TSHZ2: variants seen among roughly 807,000 people sequenced by gnomAD.
TSHZ2 encodes the protein teashirt homolog 2.
In TSHZ2, 21 loss-of-function variants were observed where a neutral mutation model predicts 74.4. That is an observed-to-expected ratio of 0.28 (90% CI 0.20 to 0.41). TSHZ2 has a LOEUF of 0.41. TSHZ2 is among the 10% of genes least tolerant of loss of function. TSHZ2 has a pLI of 1.00. For synonymous variants in TSHZ2, 540 were observed against 515.3 expected (o/e 1.05, Z -0.65); for missense variants, 1,244 against 1,293.5 (o/e 0.96, Z 0.59).
intron 2 of TSHZ2, chr20:53,399,389 C>G (rs974108110): frequency 1.3e-5 from 2 of 152,104 alleles, no homozygotes; most frequent in South Asian, 4.1e-4. Context: ...TATGAATGGC[C>G]TTTCTTGTCT....
At chr20:53,036,573 TA>T (rs1000769994) in intron 1 of TSHZ2, among the ~76,000 whole-genome samples, 12 of 149,774 alleles carry the variant, frequency 8.0e-5, no homozygotes, top group Non-Finnish European at 1.2e-4. Context: ...TTTTAAAAAG[TA>T]AAAATGTATT....
chr20:53,464,334 G>C lies in TSHZ2; in HGVS notation c.*9-22810G>C, dbSNP rs141665975. ...TCATCTGGATCCCAGGAGAAGAAAAGATCTTTCTGACAACGAGCTCTTTAA... is the reference window on the plus strand; with the variant it reads ...TCATCTGGATCCCAGGAGAAGAAAACATCTTTCTGACAACGAGCTCTTTAA... On this transcript the variant is annotated intron_variant, in intron 2 of 2. Transcript: ENST00000371497. Among the ~76,000 whole-genome samples the C allele has an allele frequency of 4.6e-5, 7 of 152,326 alleles. No homozygotes were observed. The East Asian group carries it at 1.4e-3, about 29-fold the overall frequency.
At chr20:53,067,389 T>C (rs1176767032) in intron 1 of TSHZ2, among the ~76,000 whole-genome samples, 1 of 152,244 alleles carries the variant, frequency 6.6e-6, no homozygotes, top group African/African-American at 2.4e-5. Context: ...ATAATTCTAA[T>C]GTCACTTGCA....
intron 1 of TSHZ2, among the ~76,000 whole-genome samples, chr20:53,239,423 C>T (rs78867157): frequency 0.059 from 8,972 of 152,222 alleles, 326 homozygotes; most frequent in Middle Eastern, 0.14. Flanking sequence ...GAAAGAAGAA[C>T]ATTTATAGAG....
chr20:53,423,684 A>T (rs1218286824), intron 2 of TSHZ2, among the ~76,000 whole-genome samples: 2 of 152,230 alleles, frequency 1.3e-5, no homozygotes, highest in Non-Finnish European at 2.9e-5. Context: ...GAACTTGCAC[A>T]TGTCACCTCA....
intron 2 of TSHZ2, among the ~76,000 whole-genome samples, chr20:53,469,629 G>A (rs1600665186): frequency 1.5e-5 from 1 of 68,396 alleles, no homozygotes; most frequent in Non-Finnish European, 2.9e-5. Context: ...AGGGAGGAAG[G>A]GAGGGAGGAA....
intron 2 of TSHZ2, among the ~76,000 whole-genome samples, chr20:53,460,767 G>C (rs1159537961): frequency 5.9e-5 from 9 of 152,180 alleles, no homozygotes; most frequent in African/African-American, 1.9e-4. Flanking sequence ...CCTTCTAACA[G>C]ACAGGACCCT....
At chr20:53,352,924 A>G (rs1384676532) in intron 2 of TSHZ2, among the ~76,000 whole-genome samples, 1 of 152,166 alleles carries the variant, frequency 6.6e-6, no homozygotes, top group Non-Finnish European at 1.5e-5. Flanking sequence ...TGTCCAGTAA[A>G]TGTCATCTTC....
At chr20:53,234,185 C>A (rs1223687932) in intron 1 of TSHZ2, among the ~76,000 whole-genome samples, 2 of 152,140 alleles carry the variant, frequency 1.3e-5, no homozygotes, top group Non-Finnish European at 2.9e-5. Context: ...GTCTGGGAAG[C>A]AAGACTAGTC....
intron 2 of TSHZ2, among the ~76,000 whole-genome samples, chr20:53,308,838 G>A (rs1047143715): frequency 5.9e-5 from 9 of 152,168 alleles, no homozygotes; most frequent in Non-Finnish European, 7.3e-5. Context: ...GAGCATTGTC[G>A]GGCAAGGTTA....
intron 2 of TSHZ2, among the ~76,000 whole-genome samples, chr20:53,327,365 T>C (rs1188932323): frequency 6.6e-6 from 1 of 152,188 alleles, no homozygotes; most frequent in Admixed American, 6.5e-5. Context: ...GGCGGGTGCC[T>C]GTAGTCCCAG....
chr20:53,224,733 C>G (rs1011544341), intron 1 of TSHZ2, among the ~76,000 whole-genome samples: 4 of 151,658 alleles, frequency 2.6e-5, no homozygotes, highest in Admixed American at 6.6e-5. Flanking sequence ...ACCTGTAATC[C>G]CAGCTACTCA....
At chr20:53,165,203 G>A (rs1240251827) in intron 1 of TSHZ2, among the ~76,000 whole-genome samples, 1 of 152,126 alleles carries the variant, frequency 6.6e-6, no homozygotes, top group African/African-American at 2.4e-5. Context: ...GTCAAAATTT[G>A]GACGCAAGGT....
At chr20:53,350,894 A>C (rs1443444091) in intron 2 of TSHZ2, among the ~76,000 whole-genome samples, 1 of 152,352 alleles carries the variant, frequency 6.6e-6, no homozygotes, top group Non-Finnish European at 1.5e-5. Context: ...AATGTTGCTT[A>C]GAGCAATGCT....
intron 1 of TSHZ2, among the ~76,000 whole-genome samples, chr20:53,154,244 C>T (rs1987740475): frequency 6.6e-6 from 1 of 152,074 alleles, no homozygotes; most frequent in Non-Finnish European, 1.5e-5. Flanking sequence ...TAGCAACTCC[C>T]CCAAAACTTT....
intron 1 of TSHZ2, among the ~76,000 whole-genome samples, chr20:53,146,917 A>G (rs1987554856): frequency 6.6e-6 from 1 of 152,166 alleles, no homozygotes; most frequent in African/African-American, 2.4e-5. Flanking sequence ...TAACTGCAAC[A>G]ACCACCTGAA....
intron 2 of TSHZ2, among the ~76,000 whole-genome samples, chr20:53,471,042 T>A (rs967434091): frequency 1.3e-5 from 2 of 152,102 alleles, no homozygotes; most frequent in Non-Finnish European, 2.9e-5. Context: ...TTGAAAAAAA[T>A]GTAAATTGCT....
intron 2 of TSHZ2, among the ~76,000 whole-genome samples, chr20:53,325,144 T>A (rs1233036629): frequency 4.6e-5 from 7 of 152,162 alleles, no homozygotes; most frequent in African/African-American, 1.7e-4. Flanking sequence ...ACCAGAAGCA[T>A]TTTATTTTTC....
At chr20:53,045,765 T>A (rs1372649262) in intron 1 of TSHZ2, among the ~76,000 whole-genome samples, 1 of 152,160 alleles carries the variant, frequency 6.6e-6, no homozygotes, top group Non-Finnish European at 1.5e-5. Flanking sequence ...CCCGGAGGGA[T>A]GTGGTGAGGC....
Sources: gnomAD v4.1 joint callset for allele counts (sites outside exome capture counted in the v4.1 genomes callset) on GRCh38, gnomAD v4.1.1 for gene constraint, MANE v1.5 for transcripts, NCBI Gene and HGNC (gene_info 2026-07-23, HGNC 2026-07-21) for gene names.